CEP135: variants seen among roughly 807,000 people sequenced by gnomAD.
CEP135 encodes centrosomal protein 135.
Under a neutral mutation model 157.3 loss-of-function variants are expected in CEP135, and 142 were observed. The ratio of observed to expected loss-of-function variants is 0.90; its 90% CI spans 0.79 to 1.04. The LOEUF (loss-of-function observed/expected upper bound fraction) is 1.04, where lower values mean the gene tolerates loss of function less well. CEP135 is among the 50% of genes least tolerant of loss of function. The pLI is 0.00. For missense variants in CEP135, 1,317 were observed against 1,309.2 expected (o/e 1.01, Z -0.09); for synonymous variants, 396 against 439.8 (o/e 0.90, Z 1.25).
Position 55,999,598 on chromosome 4 carries a change from G to T in CEP135, c.2233G>T (p.Glu745Ter). 6.2e-7 allele frequency: 1 copy of T among 1,605,012 alleles called. No homozygotes were observed. Among genetic ancestry groups the T allele is most frequent in the Non-Finnish European group, 8.5e-7 (1 of 1,178,182 alleles). The part of the protein sequence containing the change: ...EKDFLQETVD[E>*]KTEKIANLQE... ...AGACTTTCTCCAGGAGACTGTAGAT[G>T]AGAAGACAGAAAAGATTGCAAATTT... Residue 745 changes from glutamate to a stop codon, truncating the protein, a stop_gained, in exon 17 of 26, where the codon GAG becomes TAG. Coordinates refer to ENST00000257287, the MANE Select transcript of CEP135 (RefSeq NM_025009.5). LOFTEE classifies it high-confidence loss of function.
chr4:56,022,422 TG>T (rs1731002194), intron 24 of CEP135, among the ~76,000 whole-genome samples: 1 of 152,104 alleles, frequency 6.6e-6, no homozygotes, highest in Non-Finnish European at 1.5e-5. Context: ...AATTTTAGGT[TG>T]TATAAGTTAG....
chr4:55,961,764 TAAAAAAAAAAAAAA>T lies in CEP135; in HGVS notation c.699+2016_699+2029del, dbSNP rs564116620. ...GGGCAACAAGAGCGAAAACTCTGTC[TAAAAAAAAAAAAAA>T]AAAAAAAAAAAAAAAAATCCATCTT... On this transcript the variant is annotated intron_variant, in intron 6 of 25. Coordinates refer to ENST00000257287, the MANE Select transcript of CEP135 (RefSeq NM_025009.5). 5.7e-4 allele frequency among the ~76,000 whole-genome samples: 31 copies of T among 54,216 alleles called. No homozygotes were observed. In the South Asian group the frequency reaches 0.011, roughly 20 times the overall value. 35.6% of individuals were successfully genotyped at this position (54,216 alleles called of 152,430 possible).
intron 11 of CEP135, among the ~76,000 whole-genome samples, chr4:55,979,614 ACACAAGTACCCTG>A (rs1321595531): frequency 1.3e-5 from 2 of 152,196 alleles, no homozygotes; most frequent in Non-Finnish European, 2.9e-5. Context: ...GCGAGCAGGC[ACACAAGTACCCTG>A]CTGGCCCCTT....
chr4:55,995,843 G>A (rs999750702), intron 15 of CEP135, among the ~76,000 whole-genome samples: 2 of 152,174 alleles, frequency 1.3e-5, no homozygotes, highest in East Asian at 1.9e-4. Flanking sequence ...TCACAACTGC[G>A]AGCTATGAGG....
At chr4:55,999,697 T>G in intron 17 of CEP135, 52 bp downstream of exon 17, 1 of 1,541,780 alleles carries the variant, frequency 6.5e-7, no homozygotes, top group East Asian at 2.2e-5. Flanking sequence ...ACAGTTTTTT[T>G]TGTTTTTGTT....
Position 56,017,762 on chromosome 4 carries a change from G to T in CEP135, c.2917G>T (p.Asp973Tyr). The part of the protein sequence containing the change: ...QEDEKATVLN[D>Y]LSSLRELCIK... ...AGATGAGAAAGCAACAGTATTAAAT[G>T]ACTTGTCATCTCTTAGAGAACTTTG... Residue 973 changes from aspartate to tyrosine, a missense_variant, in exon 22 of 26, where the codon GAC becomes TAC. Physicochemically the swap from Asp to Tyr is radical, Grantham distance 160. Coordinates refer to ENST00000257287, the MANE Select transcript of CEP135 (RefSeq NM_025009.5). 6.2e-7 allele frequency: 1 copy of T among 1,613,900 alleles called. No homozygotes were observed. Among genetic ancestry groups the T allele is most frequent in the South Asian group, 1.1e-5 (1 of 91,028 alleles).
rs1177305386 is a variant in CEP135, at chr4:56,032,026, A to C, written c.*678A>C. ...TCATCATATGGACTCTATGTAACAC[A>C]AATTCAAAAGCAAACTAAAAGCTAT... On this transcript the variant is annotated 3_prime_UTR_variant, in exon 26 of 26. Coordinates refer to ENST00000257287, the MANE Select transcript of CEP135 (RefSeq NM_025009.5). The C allele has an allele frequency of 6.6e-6, 1 of 152,236 alleles. No homozygotes were observed. The highest frequency in any genetic ancestry group is 1.5e-5 in the Non-Finnish European group (1 of 68,038). The allele number at this position is 152,236 out of a possible 1,614,324, so 9.4% of individuals were successfully genotyped here. A position where few individuals can be genotyped will look rare whatever the true frequency, so the allele number is the denominator to read the frequency against.
chr4:55,954,287 C>T lies in CEP135; in HGVS notation c.376C>T (p.His126Tyr), dbSNP rs758505256. Residue 126 changes from histidine (H) to tyrosine (Y), a missense_variant, in exon 4 of 26, where the codon CAT becomes TAT. Transcript: ENST00000257287. Reference protein sequence around the residue: ...DLKFLNNQYAHKLKLLEKESK... With the variant: ...DLKFLNNQYAYKLKLLEKESK... Reference sequence around the variant, plus strand: ...GAAATTTCTGAATAACCAATATGCTCATAAACTCAAACTGTTGGAGAAAGA... The same window carrying T: ...GAAATTTCTGAATAACCAATATGCTTATAAACTCAAACTGTTGGAGAAAGA... 6.2e-7 allele frequency: 1 copy of T among 1,610,642 alleles called. No homozygotes were observed. Among genetic ancestry groups the T allele is most frequent in the Non-Finnish European group, 8.5e-7 (1 of 1,178,560 alleles).
intron 24 of CEP135, among the ~76,000 whole-genome samples, chr4:56,021,831 G>T (rs1577915204): frequency 6.6e-6 from 1 of 152,282 alleles, no homozygotes; most frequent in Non-Finnish European, 1.5e-5. Flanking sequence ...TTTGAAATCA[G>T]CGTGAGCAAC....
At chr4:55,957,485 T>G in intron 5 of CEP135, 121 bp downstream of exon 5, 1 of 793,792 alleles carries the variant, frequency 1.3e-6, no homozygotes, top group Non-Finnish European at 1.9e-6. Context: ...GCACAGAACT[T>G]TGCACCGGCA....
chr4:55,984,975 T>C (rs1381335933), intron 13 of CEP135, among the ~76,000 whole-genome samples: 3 of 152,242 alleles, frequency 2.0e-5, no homozygotes, highest in Non-Finnish European at 4.4e-5. Flanking sequence ...GGTTTTGTCC[T>C]TTTATAGTTG....
At chr4:56,000,316 C>T (rs991719368) in intron 17 of CEP135, among the ~76,000 whole-genome samples, 27 of 152,214 alleles carry the variant, frequency 1.8e-4, no homozygotes, top group African/African-American at 6.3e-4. Flanking sequence ...GGATATTTAT[C>T]ACTTTATTTT....
chr4:55,967,804 G>A (rs1728889070), intron 8 of CEP135, among the ~76,000 whole-genome samples: 2 of 152,016 alleles, frequency 1.3e-5, no homozygotes, highest in East Asian at 3.9e-4. Flanking sequence ...TGTGTGAAAG[G>A]CCCACAACAA....
intron 14 of CEP135, among the ~76,000 whole-genome samples, chr4:55,988,986 T>C (rs1314454336): frequency 2.8e-5 from 4 of 145,072 alleles, no homozygotes; most frequent in Admixed American, 2.7e-4. Flanking sequence ...AAAAACATAA[T>C]AAAACAACAG....
At chr4:55,990,659 G>A (rs1394845441) in intron 14 of CEP135, among the ~76,000 whole-genome samples, 1 of 151,766 alleles carries the variant, frequency 6.6e-6, no homozygotes. Flanking sequence ...ATCATGCCCG[G>A]CTAATTTAAA....
At chr4:55,990,684 G>T (rs925615420) in intron 14 of CEP135, among the ~76,000 whole-genome samples, 3 of 151,834 alleles carry the variant, frequency 2.0e-5, no homozygotes, top group African/African-American at 4.8e-5. Flanking sequence ...AAATTTTATT[G>T]TAGAGACAGG....
intron 14 of CEP135, among the ~76,000 whole-genome samples, chr4:55,991,324 T>G (rs113576162): frequency 5.3e-5 from 8 of 150,670 alleles, no homozygotes; most frequent in Non-Finnish European, 8.8e-5. Context: ...TTTTCTTTTT[T>G]TTTTTTTTTG....
At chr4:55,969,233 C>T in intron 9 of CEP135, 105 bp downstream of exon 9, 3 of 836,582 alleles carry the variant, frequency 3.6e-6, no homozygotes, top group Non-Finnish European at 5.7e-6. Flanking sequence ...GACCATCCAG[C>T]CACATCAACA....
In CEP135 at chr4:56,011,784, A is replaced by G. The variant is rs1185003876; in HGVS notation, c.2617-16A>G. ...CAATTACTAATTTAGAAACAATTTT[A>G]TTGTGATTAAACCAGGAAAAAGAAA... On this transcript the variant is annotated splice_polypyrimidine_tract_variant and intron_variant, in intron 20 of 25. Coordinates refer to ENST00000257287, the MANE Select transcript of CEP135 (RefSeq NM_025009.5). 1 of 1,557,900 alleles carries G rather than the reference A, an allele frequency of 6.4e-7. No homozygotes were observed. The highest frequency in any genetic ancestry group is 1.2e-5 in the South Asian group (1 of 82,490).
Sources: allele counts gnomAD v4.1 joint callset (sites outside exome capture counted in the v4.1 genomes callset), GRCh38; gene constraint gnomAD v4.1.1; transcripts MANE v1.5; gene names NCBI Gene and HGNC (gene_info 2026-07-23, HGNC 2026-07-21).